The following STPG2 variants were observed in gnomAD, a reference collection of about 807,000 sequenced individuals.
STPG2 encodes sperm tail PG-rich repeat containing 2.
STPG2 carries 56 observed loss-of-function variants against 54.2 expected under a neutral mutation model. That is an observed-to-expected ratio of 1.03 (90% CI 0.83 to 1.29). The LOEUF (loss-of-function observed/expected upper bound fraction) is 1.29. Among genes scored for constraint, STPG2 ranks in the 50% most tolerant of loss-of-function variants. STPG2 has a pLI of 0.00. For missense variants in STPG2, 596 were observed against 544.9 expected (o/e 1.09, Z -0.93); for synonymous variants, 200 against 181.8 (o/e 1.10, Z -0.81).
intron 4 of STPG2, among the ~76,000 whole-genome samples, chr4:97,518,091 C>A (rs1437699638): frequency 6.6e-6 from 1 of 152,008 alleles, no homozygotes; most frequent in East Asian, 1.9e-4. Flanking sequence ...TTTAAGACTG[C>A]CTAGAGCTGT....
At chr4:98,119,394 A>T (rs1255813759) in intron 3 of STPG2, among the ~76,000 whole-genome samples, 1 of 152,154 alleles carries the variant, frequency 6.6e-6, no homozygotes, top group African/African-American at 2.4e-5. Context: ...AAAAGTAAAG[A>T]TTAAAGAAGA....
At chr4:97,561,816 C>A (rs1018648725) in intron 10 of STPG2, among the ~76,000 whole-genome samples, 3 of 152,090 alleles carry the variant, frequency 2.0e-5, no homozygotes, top group Non-Finnish European at 4.4e-5. Flanking sequence ...GTTTTGGTAC[C>A]AGTACCATGC....
chr4:97,792,838 T>G (rs1212762135), intron 9 of STPG2, among the ~76,000 whole-genome samples: 1 of 152,064 alleles, frequency 6.6e-6, no homozygotes, highest in East Asian at 1.9e-4. Context: ...TCCCCTCAAT[T>G]CTTTTGGTCT....
intron 10 of STPG2, among the ~76,000 whole-genome samples, chr4:97,612,630 T>C (rs1445851847): frequency 2.6e-5 from 4 of 152,094 alleles, no homozygotes; most frequent in East Asian, 1.9e-4. Context: ...GGCAGTCATG[T>C]AGTCTCACTT....
At chr4:97,736,033 T>A (rs770863444) in intron 9 of STPG2, among the ~76,000 whole-genome samples, 2 of 152,064 alleles carry the variant, frequency 1.3e-5, no homozygotes, top group Non-Finnish European at 2.9e-5. Context: ...ACCAAAAAGA[T>A]AAAAGGTATG....
At chr4:97,832,728 A>G (rs375220251) in intron 9 of STPG2, among the ~76,000 whole-genome samples, 30 of 152,232 alleles carry the variant, frequency 2.0e-4, no homozygotes, top group Admixed American at 5.2e-4. Context: ...ACAGACAAAC[A>G]GAGCCAAATC....
intron 9 of STPG2, among the ~76,000 whole-genome samples, chr4:97,792,490 A>G (rs1162603675): frequency 6.6e-6 from 1 of 152,122 alleles, no homozygotes; most frequent in African/African-American, 2.4e-5. Context: ...AGCCACCATC[A>G]TCTCTCACTG....
intron 10 of STPG2, among the ~76,000 whole-genome samples, chr4:97,605,446 T>G (rs941620405): frequency 2.0e-5 from 3 of 151,732 alleles, no homozygotes; most frequent in African/African-American, 7.2e-5. Flanking sequence ...GCTAGTTGTC[T>G]AAAATTGCAA....
At chr4:97,526,857 G>A (rs549234994) in intron 4 of STPG2, among the ~76,000 whole-genome samples, 9 of 152,082 alleles carry the variant, frequency 5.9e-5, no homozygotes, top group Admixed American at 5.2e-4. Flanking sequence ...TTTATATAAG[G>A]TGTAAGGAAG....
intron 4 of STPG2, among the ~76,000 whole-genome samples, chr4:97,539,513 C>T (rs534658273): frequency 6.6e-6 from 1 of 152,306 alleles, no homozygotes; most frequent in East Asian, 1.9e-4. Flanking sequence ...TATTTATGCA[C>T]CCAATACAGG....
At chr4:97,468,089 G>A (rs778667494) in intron 4 of STPG2, among the ~76,000 whole-genome samples, 1 of 151,848 alleles carries the variant, frequency 6.6e-6, no homozygotes, top group East Asian at 1.9e-4. Flanking sequence ...CTAATTTCTT[G>A]TTTAAACAAC....
chr4:97,940,509 T>C (rs1732936379), intron 8 of STPG2, among the ~76,000 whole-genome samples: 1 of 152,222 alleles, frequency 6.6e-6, no homozygotes, highest in African/African-American at 2.4e-5. Flanking sequence ...TTTGTTCTTT[T>C]TTCTCTGGTT....
At chr4:98,091,379 A>G (rs1228866718) in intron 5 of STPG2, among the ~76,000 whole-genome samples, 1 of 152,090 alleles carries the variant, frequency 6.6e-6, no homozygotes, top group Non-Finnish European at 1.5e-5. Flanking sequence ...AGATAAAAAT[A>G]CAAGTTGCTT....
At chr4:98,016,174 T>G (rs1218925648) in intron 5 of STPG2, among the ~76,000 whole-genome samples, 1 of 152,148 alleles carries the variant, frequency 6.6e-6, no homozygotes, top group African/African-American at 2.4e-5. Context: ...ACCTGCACGC[T>G]CTGCACATGT....
At chr4:97,889,983 G>A (rs1329606626) in intron 8 of STPG2, among the ~76,000 whole-genome samples, 1 of 152,080 alleles carries the variant, frequency 6.6e-6, no homozygotes, top group Admixed American at 6.5e-5. Flanking sequence ...TAATTAATTT[G>A]AAATACATTA....
chr4:97,641,083 G>T (rs2148945383), intron 10 of STPG2, among the ~76,000 whole-genome samples: 1 of 151,766 alleles, frequency 6.6e-6, no homozygotes, highest in East Asian at 1.9e-4. Context: ...GAAAGGCAAA[G>T]CTCTCACCCT....
chr4:97,601,276 A>G (rs1733453206), intron 10 of STPG2, among the ~76,000 whole-genome samples: 1 of 152,042 alleles, frequency 6.6e-6, no homozygotes. Context: ...TCTCTTTGTT[A>G]AATTCCTTAT....
At chr4:97,663,958 GTTA>G (rs1418817670) in intron 10 of STPG2, among the ~76,000 whole-genome samples, 6 of 152,014 alleles carry the variant, frequency 3.9e-5, no homozygotes, top group African/African-American at 1.4e-4. Flanking sequence ...ATTTCCTAAA[GTTA>G]TTATTAAAAT....
intron 8 of STPG2, among the ~76,000 whole-genome samples, chr4:97,869,170 T>A (rs561102739): frequency 6.6e-6 from 1 of 151,778 alleles, no homozygotes; most frequent in African/African-American, 2.4e-5. Context: ...TCTCAGTTGA[T>A]ACACAAAACA....
Sources: gnomAD v4.1 joint callset for allele counts (sites outside exome capture counted in the v4.1 genomes callset) on GRCh38, gnomAD v4.1.1 for gene constraint, MANE v1.5 for transcripts, NCBI Gene and HGNC (gene_info 2026-07-23, HGNC 2026-07-21) for gene names.